Variants in LPP observed in about 807,000 individuals in gnomAD.
LPP encodes LIM domain containing preferred translocation partner in lipoma.
In LPP, 38 loss-of-function variants were observed where a neutral mutation model predicts 60.4. The observed-to-expected ratio is 0.63, with a 90% CI of 0.49 to 0.83. The LOEUF is 0.83. Ranked by LOEUF, LPP falls within the 40% of genes least tolerant of loss-of-function variation. The pLI is 0.00. For missense variants in LPP, 902 were observed against 783.6 expected (o/e 1.15, Z -1.80); for synonymous variants, 328 against 290.8 (o/e 1.13, Z -1.30).
chr3:188,828,692 C>T (rs1391497682), intron 9 of LPP, among the ~76,000 whole-genome samples: 1 of 147,788 alleles, frequency 6.8e-6, no homozygotes, highest in Non-Finnish European at 1.5e-5. Flanking sequence ...AGAGAACTCC[C>T]TGAGCCTCAG....
intron 8 of LPP, among the ~76,000 whole-genome samples, chr3:188,755,954 C>T (rs1029344473): frequency 1.3e-5 from 2 of 150,048 alleles, no homozygotes; most frequent in Non-Finnish European, 3.0e-5. Flanking sequence ...CCCATGCCAT[C>T]CCCAAAAATG....
At chr3:188,649,219 G>A (rs1294896725) in intron 7 of LPP, among the ~76,000 whole-genome samples, 2 of 152,174 alleles carry the variant, frequency 1.3e-5, no homozygotes, top group Non-Finnish European at 2.9e-5. Context: ...ATTTAAAATA[G>A]CTTTAAGTTT....
At chr3:188,179,380 C>T in intron 1 of LPP, 2 of 458,028 alleles carry the variant, frequency 4.4e-6, no homozygotes, top group South Asian at 3.1e-5. Context: ...CAGTTCATTT[C>T]CCGCCTTGTT....
chr3:188,287,744 G>A (rs999617538), intron 2 of LPP, among the ~76,000 whole-genome samples: 1 of 152,062 alleles, frequency 6.6e-6, no homozygotes, highest in Non-Finnish European at 1.5e-5. Flanking sequence ...AGGAGTAATC[G>A]TCACCTTGAA....
At chr3:188,398,060 T>C (rs2148773529) in intron 3 of LPP, among the ~76,000 whole-genome samples, 1 of 152,318 alleles carries the variant, frequency 6.6e-6, no homozygotes, top group South Asian at 2.1e-4. Context: ...GAGTGCACCA[T>C]TAGTGTTAAT....
At chr3:188,191,164 A>G (rs1210546019) in intron 1 of LPP, among the ~76,000 whole-genome samples, 1 of 152,238 alleles carries the variant, frequency 6.6e-6, no homozygotes, top group Non-Finnish European at 1.5e-5. Context: ...CAGGAGGCCA[A>G]GGTTGCAGTG....
chr3:188,819,025 G>A (rs1443065809), intron 9 of LPP, among the ~76,000 whole-genome samples: 1 of 123,424 alleles, frequency 8.1e-6, no homozygotes, highest in Non-Finnish European at 1.6e-5. Flanking sequence ...ACTCATGGGG[G>A]TCGTGTGTGT....
At chr3:188,533,970 ATTTTG>A (rs1822894024) in intron 6 of LPP, among the ~76,000 whole-genome samples, 1 of 152,212 alleles carries the variant, frequency 6.6e-6, no homozygotes, top group Non-Finnish European at 1.5e-5. Flanking sequence ...CTTTAAATAA[ATTTTG>A]TTTTGAGTGC....
At chr3:188,224,512 G>A (rs1716991414) in intron 1 of LPP, among the ~76,000 whole-genome samples, 1 of 152,066 alleles carries the variant, frequency 6.6e-6, no homozygotes, top group African/African-American at 2.4e-5. Flanking sequence ...GGCTGTATTA[G>A]GCTATTCTAG....
intron 8 of LPP, among the ~76,000 whole-genome samples, chr3:188,713,494 GTGT>G (rs1249944894): frequency 3.3e-5 from 5 of 152,202 alleles, no homozygotes; most frequent in South Asian, 2.1e-4. Context: ...GATATTAATG[GTGT>G]TGTGATTATG....
intron 2 of LPP, among the ~76,000 whole-genome samples, chr3:188,240,476 G>A (rs1723934002): frequency 1.3e-5 from 2 of 152,152 alleles, no homozygotes; most frequent in African/African-American, 4.8e-5. Flanking sequence ...GAATTTCTGA[G>A]TTGGAAGGAA....
chr3:188,808,772 C>T (rs115189662), intron 9 of LPP, among the ~76,000 whole-genome samples: 1,619 of 152,230 alleles, frequency 0.011, 13 homozygotes, highest in Non-Finnish European at 0.017. Flanking sequence ...CCTATCAACC[C>T]GTTGTCTAGT....
chr3:188,609,149 T>C lies in LPP; in HGVS notation c.430-12T>C, dbSNP rs780776386. On this transcript the variant is annotated splice_polypyrimidine_tract_variant and intron_variant, in intron 6 of 11. Coordinates refer to ENST00000617246, the MANE Select transcript of LPP (RefSeq NM_001375462.1). The surrounding 1 kb of genome is among the most constrained non-coding windows in gnomAD (Gnocchi z 6.9). ...TGCTTTCTTTCTTTCTTTTTTTTCC[T>C]ATTCTTTTTAGAGCTCCACTGGTTC... The C allele has an allele frequency of 2.6e-6, 4 of 1,545,614 alleles. No individual in the cohort carries two copies. In the Admixed American group the frequency reaches 8.5e-5, roughly 33 times the overall value.
chr3:188,314,180 T>G (rs564679201), intron 2 of LPP, among the ~76,000 whole-genome samples: 1 of 152,326 alleles, frequency 6.6e-6, no homozygotes, highest in East Asian at 1.9e-4. Flanking sequence ...CCTTCTTTTG[T>G]GTCTGAGTTT....
intron 3 of LPP, among the ~76,000 whole-genome samples, chr3:188,391,902 A>G (rs768909364): frequency 6.6e-6 from 1 of 152,118 alleles, no homozygotes; most frequent in Non-Finnish European, 1.5e-5. Context: ...CTAACAGAAA[A>G]CAGGGCAAAC....
intron 9 of LPP, among the ~76,000 whole-genome samples, chr3:188,838,824 G>A (rs1432036820): frequency 6.6e-6 from 1 of 152,120 alleles, no homozygotes; most frequent in Non-Finnish European, 1.5e-5. Flanking sequence ...CATGGACACA[G>A]GGAGGGGAAC....
intron 2 of LPP, among the ~76,000 whole-genome samples, chr3:188,313,418 T>A (rs1754082143): frequency 6.6e-6 from 1 of 152,098 alleles, no homozygotes; most frequent in Non-Finnish European, 1.5e-5. Flanking sequence ...GGTGGGCAGA[T>A]CACTTGAGGT....
chr3:188,173,151 A>G (rs1478756385), intron 1 of LPP, among the ~76,000 whole-genome samples: 2 of 152,098 alleles, frequency 1.3e-5, no homozygotes, highest in East Asian at 3.9e-4. Flanking sequence ...TTACAGGTGT[A>G]AGCCACCACG....
chr3:188,387,601 C>G (rs1040569975), intron 3 of LPP, among the ~76,000 whole-genome samples: 10 of 148,102 alleles, frequency 6.8e-5, no homozygotes, highest in African/African-American at 2.5e-4. Flanking sequence ...GAGTCTCACC[C>G]TGTCGCCCAT....
Sources: allele counts gnomAD v4.1 joint callset (sites outside exome capture counted in the v4.1 genomes callset), GRCh38; gene constraint gnomAD v4.1.1; non-coding constraint Gnocchi (gnomAD v3.1); transcripts MANE v1.5; gene names NCBI Gene and HGNC (gene_info 2026-07-23, HGNC 2026-07-21).